Variants in PLPP4 observed in about 807,000 individuals in gnomAD.
PLPP4 encodes phospholipid phosphatase 4, also known as diacylglycerol pyrophosphate like 2.
PLPP4 carries 20 observed loss-of-function variants against 32.2 expected under a neutral mutation model. That is an observed-to-expected ratio of 0.62 (90% CI 0.44 to 0.90). The LOEUF (loss-of-function observed/expected upper bound fraction) is 0.90, where lower values mean the gene tolerates loss of function less well. Ranked by LOEUF, PLPP4 falls within the 40% of genes least tolerant of loss-of-function variation. The pLI is 0.00. For synonymous variants in PLPP4, 127 were observed against 133.0 expected, an observed-to-expected ratio of 0.95 and a Z score of 0.31; for missense variants, 257 against 353.1, an observed-to-expected ratio of 0.73 and a Z score of 2.18.
At position 120,520,965 on chromosome 10, in the gene PLPP4, T is replaced by C. The variant is rs372679454; in HGVS notation, c.321-6T>C. On this transcript the variant is annotated splice_polypyrimidine_tract_variant and splice_region_variant and intron_variant, in intron 4 of 6. Transcript: ENST00000398250. The stretch of plus-strand genomic sequence containing the variant: ...ATATTGAAAATGTCCATGGTGTCTT[T>C]TGTAGACCTCGCCCCGATTTCTTTT... 4 of 1,613,832 alleles carry C rather than the reference T, an allele frequency of 2.5e-6. No homozygotes were observed. The highest frequency in any genetic ancestry group is 3.3e-4 in the Middle Eastern group (2 of 6,082).
chr10:120,537,251 G>A (rs141628145), intron 5 of PLPP4, among the ~76,000 whole-genome samples: 1 of 152,256 alleles, frequency 6.6e-6, no homozygotes, highest in Non-Finnish European at 1.5e-5. Context: ...CAAATTCATT[G>A]CAGCATTATT....
At chr10:120,503,364 T>C (rs1355767779) in intron 1 of PLPP4, among the ~76,000 whole-genome samples, 1 of 152,138 alleles carries the variant, frequency 6.6e-6, no homozygotes, top group Non-Finnish European at 1.5e-5. Context: ...CCCCAGTTTT[T>C]CTCTTGGCAG....
At chr10:120,574,168 A>ACACACACACACTCT (rs1849090021) in intron 5 of PLPP4, among the ~76,000 whole-genome samples, 1 of 47,120 alleles carries the variant, frequency 2.1e-5, no homozygotes, top group African/African-American at 8.6e-5. Flanking sequence ...ACACACACAC[A>ACACACACACACTCT]CTCTCTCTCT....
chr10:120,471,966 A>G (rs1165292626), intron 1 of PLPP4, among the ~76,000 whole-genome samples: 1 of 152,072 alleles, frequency 6.6e-6, no homozygotes, highest in East Asian at 1.9e-4. Context: ...TCCCTGTGTC[A>G]TTTATTATAC....
intron 2 of PLPP4, among the ~76,000 whole-genome samples, chr10:120,509,623 C>G (rs926399678): frequency 6.6e-6 from 1 of 152,042 alleles, no homozygotes; most frequent in Non-Finnish European, 1.5e-5. Context: ...AGCATGGCAA[C>G]CCAGTCTGGG....
chr10:120,554,865 G>A (rs939112575), intron 5 of PLPP4, among the ~76,000 whole-genome samples: 2 of 152,194 alleles, frequency 1.3e-5, no homozygotes, highest in African/African-American at 4.8e-5. Context: ...CTCCCACCAG[G>A]CCCCTCCTCC....
At chr10:120,516,529 A>G (rs1845942062) in intron 3 of PLPP4, among the ~76,000 whole-genome samples, 1 of 152,180 alleles carries the variant, frequency 6.6e-6, no homozygotes, top group Non-Finnish European at 1.5e-5. Flanking sequence ...AAGTAACAAC[A>G]AAAGCCCTCT....
At chr10:120,534,737 G>A (rs957416246) in intron 5 of PLPP4, among the ~76,000 whole-genome samples, 35 of 151,978 alleles carry the variant, frequency 2.3e-4, no homozygotes, top group Non-Finnish European at 7.4e-5. Flanking sequence ...AGGCCCTCTA[G>A]TAAATTTTTC....
intron 1 of PLPP4, among the ~76,000 whole-genome samples, chr10:120,500,809 C>A (rs181493472): frequency 1.2e-4 from 19 of 152,322 alleles, no homozygotes; most frequent in Middle Eastern, 6.8e-3. Context: ...CCAACCGAAT[C>A]TCTTTCTTAC....
At chr10:120,458,821 T>C (rs184809076) in intron 1 of PLPP4, among the ~76,000 whole-genome samples, 24 of 152,320 alleles carry the variant, frequency 1.6e-4, no homozygotes, top group African/African-American at 5.5e-4. Flanking sequence ...CAGTTTCTAA[T>C]TGGCAGATGG....
chr10:120,519,996 AC>A (rs1846085514), intron 4 of PLPP4, among the ~76,000 whole-genome samples: 1 of 152,282 alleles, frequency 6.6e-6, no homozygotes, highest in East Asian at 1.9e-4. Flanking sequence ...GATGTGTGTG[AC>A]CTTGAGCAAT....
At chr10:120,574,159 C>T (rs1290877974) in intron 5 of PLPP4, among the ~76,000 whole-genome samples, 1 of 119,500 alleles carries the variant, frequency 8.4e-6, no homozygotes, top group East Asian at 2.6e-4. Context: ...CACACACACA[C>T]ACACACACAC....
At chr10:120,580,678 C>CACACACACAA (rs1554899936) in intron 6 of PLPP4, among the ~76,000 whole-genome samples, 6,638 of 137,898 alleles carry the variant, frequency 0.048, 238 homozygotes, top group Non-Finnish European at 0.058. Context: ...CACACACACA[C>CACACACACAA]ACGGCTGAGG....
At chr10:120,526,120 T>C (rs1846377416) in intron 5 of PLPP4, among the ~76,000 whole-genome samples, 1 of 152,162 alleles carries the variant, frequency 6.6e-6, no homozygotes, top group Non-Finnish European at 1.5e-5. Context: ...AAAATTTTTA[T>C]CTACTAAAGC....
chr10:120,560,252 T>C (rs188046589), intron 5 of PLPP4, among the ~76,000 whole-genome samples: 30 of 150,960 alleles, frequency 2.0e-4, no homozygotes, highest in Non-Finnish European at 3.7e-4. Context: ...CTGTACTGAC[T>C]ATGCACTATA....
rs891761980 is a variant in PLPP4 at position 120,591,241 on chromosome 10, T to A, written c.*1739T>A. Among the ~76,000 whole-genome samples the A allele has an allele frequency of 1.3e-5, 2 of 152,178 alleles. No homozygotes were observed. Among genetic ancestry groups the A allele is most frequent in the African/African-American group, 4.8e-5 (2 of 41,456 alleles). On this transcript the variant is annotated 3_prime_UTR_variant, in exon 7 of 7. Coordinates refer to ENST00000398250, the MANE Select transcript of PLPP4 (RefSeq NM_001030059.3). Reference sequence around the variant, plus strand: ...CATGGGCTTAAGCTTGGAGTGCATGTACCACTGACTATGCTCCATGAGCCC... The same window carrying A: ...CATGGGCTTAAGCTTGGAGTGCATGAACCACTGACTATGCTCCATGAGCCC...
chr10:120,493,932 AG>A (rs1334808967), intron 1 of PLPP4, among the ~76,000 whole-genome samples: 1 of 152,164 alleles, frequency 6.6e-6, no homozygotes, highest in Non-Finnish European at 1.5e-5. Flanking sequence ...GTAGTGTATC[AG>A]GAGGGTGGGG....
chr10:120,583,459 A>G (rs1849610774), intron 6 of PLPP4, among the ~76,000 whole-genome samples: 1 of 152,080 alleles, frequency 6.6e-6, no homozygotes, highest in African/African-American at 2.4e-5. Context: ...TTTCTTTATA[A>G]TTCTCAATTA....
chr10:120,486,086 C>T (rs1742081067), intron 1 of PLPP4, among the ~76,000 whole-genome samples: 1 of 152,172 alleles, frequency 6.6e-6, no homozygotes, highest in South Asian at 2.1e-4. Context: ...TTTAGAAACA[C>T]AGATGCCAAC....
Sources: gnomAD v4.1 joint callset for allele counts (sites outside exome capture counted in the v4.1 genomes callset) on GRCh38, gnomAD v4.1.1 for gene constraint, MANE v1.5 for transcripts, NCBI Gene and HGNC (gene_info 2026-07-23, HGNC 2026-07-21) for gene names.